Variants in TGM5 observed in about 807,000 individuals in gnomAD.
TGM5 encodes transglutaminase 5, also known as protein-glutamine gamma-glutamyltransferase 5.
A neutral mutation model predicts 77.2 loss-of-function variants in TGM5; 69 were observed. The ratio of observed to expected loss-of-function variants is 0.89; its 90% confidence interval spans 0.74 to 1.09. TGM5 has a LOEUF of 1.09. Among genes scored for constraint, TGM5 ranks in the 50% least tolerant of loss-of-function variants. The pLI is 0.00. For synonymous variants in TGM5, 346 were observed against 351.8 expected, an observed-to-expected ratio of 0.98 and a Z score of 0.18; for missense variants, 842 against 896.5, an observed-to-expected ratio of 0.94 and a Z score of 0.78.
intron 6 of TGM5, among the ~76,000 whole-genome samples, chr15:43,248,727 A>G (rs2042684995): frequency 6.6e-6 from 1 of 152,198 alleles, no homozygotes; most frequent in Non-Finnish European, 1.5e-5. Context: ...TTGAACTGGG[A>G]TCTAAGAAAA....
At position 43,260,383 on chromosome 15, in the gene TGM5, C is replaced by T; in HGVS notation, c.190+17G>A. On this transcript the variant is annotated intron_variant, in intron 2 of 12. Coordinates refer to ENST00000220420, the MANE Select transcript of TGM5 (RefSeq NM_201631.4). ...CCCAGACACACACAGCCCCTGTGAG[C>T]CAGCTGGGGTTCTTACCAGTTTCAA... 6.2e-7 allele frequency: 1 copy of T among 1,614,184 alleles called. No homozygotes were observed. The highest frequency in any genetic ancestry group is 8.5e-7 in the Non-Finnish European group (1 of 1,180,034).
chr15:43,241,664 C>T (rs2042636990), intron 6 of TGM5, among the ~76,000 whole-genome samples: 1 of 152,092 alleles, frequency 6.6e-6, no homozygotes, highest in South Asian at 2.1e-4. Flanking sequence ...GCTGTATTTC[C>T]ATTCTGTGCT....
At chr15:43,234,997 G>A in intron 10 of TGM5, 68 bp from the exon 11 acceptor site, 1 of 1,578,844 alleles carries the variant, frequency 6.3e-7, no homozygotes, top group African/African-American at 1.3e-5. Flanking sequence ...GTTGGACCTG[G>A]GTCTCTCTTC....
intron 9 of TGM5, among the ~76,000 whole-genome samples, chr15:43,238,168 A>G (rs1371698558): frequency 6.6e-6 from 1 of 152,076 alleles, no homozygotes; most frequent in East Asian, 1.9e-4. Context: ...CCTGCCTTGC[A>G]CCTGCTCAGA....
chr15:43,255,187 A>G (rs1471789208), intron 4 of TGM5, among the ~76,000 whole-genome samples: 1 of 152,078 alleles, frequency 6.6e-6, no homozygotes, highest in Non-Finnish European at 1.5e-5. Flanking sequence ...TAAAAAAATT[A>G]GCCAGGTGTG....
intron 6 of TGM5, among the ~76,000 whole-genome samples, chr15:43,242,352 G>A (rs1046227769): frequency 2.6e-5 from 4 of 152,100 alleles, no homozygotes; most frequent in Non-Finnish European, 4.4e-5. Flanking sequence ...AATATTTGCC[G>A]AAAGCAAGAT....
Position 43,260,292 on chromosome 15 carries a change from G to A in TGM5, c.196C>T (p.Leu66=), listed in dbSNP as rs752176762. 5 of 1,614,096 alleles carry A rather than the reference G, an allele frequency of 3.1e-6. No homozygotes were observed. Among genetic ancestry groups the A allele is most frequent in the Non-Finnish European group, 4.2e-6 (5 of 1,180,026 alleles). ...NIIFVVETGP[L]PDLALGTRAV... ...CGAGTCCCCAAGGCCAGGTCTGGCA[G>A]CGGTCCTAGGAGGGAAGTAGAGCTG... is the stretch of plus-strand genomic sequence containing the variant. The change falls in exon 3 of 13, where the codon CTG becomes TTG. Residue 66 remains leucine (L), a synonymous_variant. Coordinates refer to ENST00000220420, the MANE Select transcript of TGM5 (RefSeq NM_201631.4).
chr15:43,249,052 C>T (rs903705778), intron 6 of TGM5, among the ~76,000 whole-genome samples: 1 of 152,132 alleles, frequency 6.6e-6, no homozygotes, highest in African/African-American at 2.4e-5. Flanking sequence ...CACACCCTTT[C>T]CTACCTCCCC....
intron 6 of TGM5, among the ~76,000 whole-genome samples, chr15:43,242,597 C>G (rs2042644348): frequency 6.6e-6 from 1 of 152,202 alleles, no homozygotes; most frequent in Non-Finnish European, 1.5e-5. Flanking sequence ...CAGATTTTAG[C>G]TCACCCTCTT....
chr15:43,253,744 T>C (rs1160412423), intron 4 of TGM5, 110 bp from the exon 5 acceptor site: 5 of 1,457,780 alleles, frequency 3.4e-6, no homozygotes, highest in Non-Finnish European at 4.7e-6. Flanking sequence ...ACTTGGAAGG[T>C]AACTGTGTCA....
At position 43,239,189 on chromosome 15, in the gene TGM5, T is replaced by A. The variant is rs1345327631; in HGVS notation, c.1079A>T (p.Asp360Val). ...GTTGCTCATCTCCTGAGGTGTGGCGTCCAGCACCTGCCAGCCTCCATATGC... is the reference window on the plus strand; with the variant it reads ...GTTGCTCATCTCCTGAGGTGTGGCGACCAGCACCTGCCAGCCTCCATATGC... ...PPAYGGWQVL[D>V]ATPQEMSNGV... Residue 360 changes from aspartate to valine, a missense_variant, in exon 8 of 13, where the codon GAC becomes GTC. Asp to Val is a radical substitution (Grantham distance 152). This residue lies in a region of TGM5 where 815 missense variants were observed against 844.6 expected (regional missense o/e 0.96). Coordinates refer to ENST00000220420, the MANE Select transcript of TGM5 (RefSeq NM_201631.4). 1.2e-6 allele frequency: 2 copies of A among 1,613,972 alleles called. No individual in the cohort carries two copies. Among genetic ancestry groups the A allele is most frequent in the Non-Finnish European group, 1.7e-6 (2 of 1,180,008 alleles).
intron 3 of TGM5, 126 bp from the exon 4 acceptor site, chr15:43,256,812 A>G: frequency 1.3e-6 from 1 of 762,048 alleles, no homozygotes. Context: ...CAAGAGGGGC[A>G]CGAGGCAGTG....
In TGM5 at chr15:43,260,354, C is replaced by G. The variant is rs886496667; in HGVS notation, c.190+46G>C. On this transcript the variant is annotated intron_variant, in intron 2 of 12. Coordinates refer to ENST00000220420, the MANE Select transcript of TGM5 (RefSeq NM_201631.4). ...GGCGACCTCCAAACCCCCGAAAATC[C>G]CCTCCCAGACACACACAGCCCCTGT... 5.0e-6 allele frequency: 8 copies of G among 1,614,064 alleles called. No homozygotes were observed. The African/African-American group carries it at 1.1e-4, about 22-fold the overall frequency.
intron 1 of TGM5, among the ~76,000 whole-genome samples, chr15:43,262,369 C>T (rs2042795423): frequency 6.6e-6 from 1 of 152,132 alleles, no homozygotes; most frequent in Non-Finnish European, 1.5e-5. Context: ...TAGATATAAG[C>T]CAATAAGTAC....
rs1183267686 is a variant in TGM5, at chr15:43,235,527, G to A, written c.1656C>T (p.Gly552=). ...CCTGCCAGAATGGGGACAGGGGGCT[G>A]CCATCGTGCAGCAGAGACTGGGCAC... ...NLSAQSLLHD[G]SPLSPFWQDT... The change falls in exon 10 of 13, where the codon GGC becomes GGT. Residue 552 remains glycine, a synonymous_variant. Coordinates refer to ENST00000220420, the MANE Select transcript of TGM5 (RefSeq NM_201631.4). 6.2e-7 allele frequency: 1 copy of A among 1,614,178 alleles called. No individual in the cohort carries two copies. The highest frequency in any genetic ancestry group is 8.5e-7 in the Non-Finnish European group (1 of 1,180,022).
chr15:43,258,421 GAACA>G (rs1421252027), intron 3 of TGM5, among the ~76,000 whole-genome samples: 1 of 152,078 alleles, frequency 6.6e-6, no homozygotes, highest in East Asian at 1.9e-4. Flanking sequence ...TTAAAGTTAA[GAACA>G]AACAAACAAA....
intron 6 of TGM5, among the ~76,000 whole-genome samples, chr15:43,248,187 T>C (rs1490892926): frequency 6.6e-6 from 1 of 152,192 alleles, no homozygotes; most frequent in Non-Finnish European, 1.5e-5. Context: ...TTATTTATTT[T>C]TATTTTTTGA....
At chr15:43,240,346 G>T (rs1337387504) in intron 7 of TGM5, among the ~76,000 whole-genome samples, 1 of 152,172 alleles carries the variant, frequency 6.6e-6, no homozygotes, top group Non-Finnish European at 1.5e-5. Context: ...TGTCCAAGCA[G>T]ATTTCTACAT....
At position 43,240,977 on chromosome 15, in the gene TGM5, C is replaced by G. The variant is rs1172205618; in HGVS notation, c.876G>C (p.Leu292=). ...AAVMCTVMRC[L]GIPTRVITNF... ...TGGTGATCACACGGGTAGGGATCCC[C>G]AGACACCTCATCACTGCAAAAAGGG... is the stretch of plus-strand genomic sequence containing the variant. Residue 292 remains leucine, a synonymous_variant, in exon 7 of 13, where the codon CTG becomes CTC. Transcript: ENST00000220420. 5 of 1,614,168 alleles carry G rather than the reference C, an allele frequency of 3.1e-6. No individual in the cohort carries two copies. The highest frequency in any genetic ancestry group is 4.2e-6 in the Non-Finnish European group (5 of 1,180,032).
Sources: allele counts gnomAD v4.1 joint callset (sites outside exome capture counted in the v4.1 genomes callset), GRCh38; gene constraint gnomAD v4.1.1; regional missense constraint gnomAD v4.1.1; transcripts MANE v1.5; gene names NCBI Gene and HGNC (gene_info 2026-07-23, HGNC 2026-07-21).